SLMAP: variants seen among roughly 807,000 people sequenced by gnomAD.
SLMAP encodes sarcolemmal membrane-associated protein.
In SLMAP, 44 loss-of-function variants were observed where a neutral mutation model predicts 128.8. That is an observed-to-expected ratio of 0.34 (90% CI 0.27 to 0.44). The LOEUF (loss-of-function observed/expected upper bound fraction) is 0.44, where lower values mean the gene tolerates loss of function less well. SLMAP is among the 20% of genes least tolerant of loss of function. The pLI is 1.00. For synonymous variants in SLMAP, 327 were observed against 348.8 expected (o/e 0.94, Z 0.70); for missense variants, 787 against 985.3 (o/e 0.80, Z 2.69).
At chr3:57,915,334 T>C (rs1024682672) in intron 21 of SLMAP, among the ~76,000 whole-genome samples, 7 of 152,214 alleles carry the variant, frequency 4.6e-5, no homozygotes, top group Non-Finnish European at 1.0e-4. Flanking sequence ...TTTAAAAATA[T>C]TAGGCCCCAG....
chr3:57,848,980 A>G (rs1160746477), intron 5 of SLMAP, among the ~76,000 whole-genome samples: 1 of 151,412 alleles, frequency 6.6e-6, no homozygotes, highest in African/African-American at 2.4e-5. Context: ...AAGTGCTGGG[A>G]TTACAGGCGT....
chr3:57,803,790 C>T (rs1485467496), intron 2 of SLMAP, among the ~76,000 whole-genome samples: 1 of 152,148 alleles, frequency 6.6e-6, no homozygotes, highest in Non-Finnish European at 1.5e-5. Context: ...TTTTCTAGCT[C>T]GCCTAAATCC....
At chr3:57,908,197 T>C (rs952390399) in intron 18 of SLMAP, among the ~76,000 whole-genome samples, 191 bp downstream of exon 18, 1 of 152,242 alleles carries the variant, frequency 6.6e-6, no homozygotes, top group Admixed American at 6.5e-5. Flanking sequence ...TTACAGTTGC[T>C]CTACCTTCAC....
intron 2 of SLMAP, among the ~76,000 whole-genome samples, chr3:57,797,502 A>T (rs1330039200): frequency 6.6e-6 from 1 of 151,532 alleles, no homozygotes; most frequent in Non-Finnish European, 1.5e-5. Flanking sequence ...AAAAAAAAGT[A>T]CGAGGCAGGA....
At position 57,865,641 on chromosome 3, in the gene SLMAP, A is replaced by C. The variant is rs192033115; in HGVS notation, c.1237+349A>C. Among the ~76,000 whole-genome samples the C allele has an allele frequency of 4.6e-3, 698 of 152,262 alleles. 6 individuals carry two copies. Among genetic ancestry groups the C allele is most frequent in the African/African-American group, 0.016 (671 of 41,552 alleles). ...CTGCCTCCAGTGATACTTGACCCCC[A>C]TTTAAAACATTCGAGTTTATTTAAC... On this transcript the variant is annotated intron_variant, in intron 13 of 24. Coordinates refer to ENST00000671191, the MANE Select transcript of SLMAP (RefSeq NM_001377540.1).
intron 2 of SLMAP, among the ~76,000 whole-genome samples, chr3:57,799,288 G>C (rs2087580824): frequency 1.3e-5 from 2 of 152,284 alleles, no homozygotes; most frequent in Admixed American, 1.3e-4. Context: ...GTGTCTTCTG[G>C]CTTGACAGTT....
At chr3:57,825,226 T>C (rs1021700577) in intron 2 of SLMAP, among the ~76,000 whole-genome samples, 2 of 142,690 alleles carry the variant, frequency 1.4e-5, no homozygotes, top group Non-Finnish European at 3.1e-5. Flanking sequence ...TTTCAATGCC[T>C]TTTTTTTTTT....
chr3:57,861,634 A>G (rs1577904777), intron 9 of SLMAP, among the ~76,000 whole-genome samples: 1 of 152,208 alleles, frequency 6.6e-6, no homozygotes, highest in African/African-American at 2.4e-5. Flanking sequence ...TAGGCTTAAA[A>G]TATTTTCACA....
intron 4 of SLMAP, among the ~76,000 whole-genome samples, chr3:57,843,640 G>A (rs1023331587): frequency 3.3e-5 from 5 of 151,404 alleles, no homozygotes; most frequent in African/African-American, 7.3e-5. Flanking sequence ...AGAGAGGCCT[G>A]GTCAATAATT....
intron 2 of SLMAP, 67 bp downstream of exon 2, chr3:57,757,916 G>C: frequency 1.5e-6 from 2 of 1,373,086 alleles, no homozygotes; most frequent in Admixed American, 3.7e-5. Context: ...CCCTCCCTGA[G>C]AGGACTAATG....
chr3:57,835,343 A>C (rs1160371351), intron 3 of SLMAP, among the ~76,000 whole-genome samples: 1 of 151,320 alleles, frequency 6.6e-6, no homozygotes. Flanking sequence ...TGTCTCAGCT[A>C]CTCCAGAGGC....
intron 2 of SLMAP, among the ~76,000 whole-genome samples, chr3:57,818,399 C>A (rs1437671682): frequency 6.6e-6 from 1 of 152,224 alleles, no homozygotes; most frequent in Non-Finnish European, 1.5e-5. Context: ...AGGTGATCCA[C>A]CCGCCTCGGC....
chr3:57,807,356 A>G (rs1255699145), intron 2 of SLMAP, among the ~76,000 whole-genome samples: 1 of 152,142 alleles, frequency 6.6e-6, no homozygotes, highest in Admixed American at 6.5e-5. Flanking sequence ...TGAGAGAAGC[A>G]TTCTTGTCTT....
At chr3:57,853,306 C>T (rs1434795505) in intron 6 of SLMAP, among the ~76,000 whole-genome samples, 1 of 152,098 alleles carries the variant, frequency 6.6e-6, no homozygotes, top group Admixed American at 6.6e-5. Flanking sequence ...TTTATTATAA[C>T]CTATAGCTTA....
chr3:57,834,982 CGTG>C (rs2093556114), intron 3 of SLMAP, among the ~76,000 whole-genome samples: 1 of 151,116 alleles, frequency 6.6e-6, no homozygotes, highest in South Asian at 2.1e-4. Flanking sequence ...ATCAGCTGGG[CGTG>C]GTGGCGCACG....
chr3:57,832,660 A>T (rs2093408973), intron 3 of SLMAP, among the ~76,000 whole-genome samples: 2 of 152,062 alleles, frequency 1.3e-5, no homozygotes, highest in African/African-American at 2.4e-5. Context: ...CATAGTAGAG[A>T]TGGTGATGGT....
intron 2 of SLMAP, among the ~76,000 whole-genome samples, chr3:57,763,012 C>T (rs906066024): frequency 1.9e-4 from 29 of 152,286 alleles, no homozygotes; most frequent in African/African-American, 5.3e-4. Flanking sequence ...GTGTGAGCCA[C>T]GGTGCCCAGC....
intron 14 of SLMAP, among the ~76,000 whole-genome samples, chr3:57,885,513 G>A (rs1413469674): frequency 3.7e-5 from 5 of 135,014 alleles, no homozygotes; most frequent in South Asian, 2.7e-4. Flanking sequence ...TCCACCACCC[G>A]GGTTCAAGCG....
intron 2 of SLMAP, among the ~76,000 whole-genome samples, chr3:57,818,244 C>T (rs190159569): frequency 1.3e-5 from 2 of 152,266 alleles, no homozygotes; most frequent in East Asian, 3.9e-4. Context: ...CAACCTCCGC[C>T]TCCCGGGTTC....
Sources: gnomAD v4.1 joint callset for allele counts (sites outside exome capture counted in the v4.1 genomes callset) on GRCh38, gnomAD v4.1.1 for gene constraint, MANE v1.5 for transcripts, NCBI Gene and HGNC (gene_info 2026-07-23, HGNC 2026-07-21) for gene names.